The following RBBP5 variants were observed in gnomAD, a reference collection of about 807,000 sequenced individuals.
RBBP5 encodes RB binding protein 5, histone lysine methyltransferase complex subunit, also known as retinoblastoma-binding protein 5.
Under a neutral mutation model 72.2 loss-of-function variants are expected in RBBP5, and 5 were observed. The ratio of observed to expected loss-of-function variants is 0.07; its 90% CI spans 0.04 to 0.15. The LOEUF is 0.15. RBBP5 is among the 10% of genes least tolerant of loss of function. RBBP5 has a pLI of 1.00. For missense variants in RBBP5, 322 were observed against 652.2 expected (o/e 0.49, Z 5.51); for synonymous variants, 209 against 237.2 (o/e 0.88, Z 1.09).
chr1:205,096,695 T>A lies in RBBP5; in HGVS notation c.1383A>T (p.Gly461=), dbSNP rs1391726931. The change falls in exon 12 of 14, where the codon GGA becomes GGT. Residue 461 remains glycine, a synonymous_variant. Coordinates refer to ENST00000264515, the MANE Select transcript of RBBP5 (RefSeq NM_005057.4). The part of the protein sequence containing the change: ...KPKTTNIELQ[G]VPNDEVHPLL... ...TGTAGCTCTTACCATCATTTGGTAC[T>A]CCTTGAAGTTCTATATTGGTTGTTT... 3.1e-6 allele frequency: 5 copies of A among 1,613,846 alleles called. No individual in the cohort carries two copies. In the Admixed American group the frequency reaches 8.3e-5, roughly 27 times the overall value.
intron 1 of RBBP5, among the ~76,000 whole-genome samples, chr1:205,121,554 A>C (rs780607779): frequency 2.6e-5 from 4 of 152,138 alleles, no homozygotes; most frequent in Non-Finnish European, 5.9e-5. Flanking sequence ...CATCTCCAAC[A>C]ACTCTGGTCC....
At chr1:205,117,504 T>C (rs1656572787) in intron 1 of RBBP5, among the ~76,000 whole-genome samples, 1 of 150,832 alleles carries the variant, frequency 6.6e-6, no homozygotes, top group African/African-American at 2.4e-5. Context: ...CTACTAAAAA[T>C]ACAAAATTAG....
chr1:205,111,064 G>GA (rs1302987775), intron 3 of RBBP5, among the ~76,000 whole-genome samples: 1 of 151,792 alleles, frequency 6.6e-6, no homozygotes, highest in African/African-American at 2.4e-5. Flanking sequence ...ACTCTGTCTC[G>GA]AAAAAATTTA....
At chr1:205,101,529 G>A (rs749943434) in intron 6 of RBBP5, 71 bp downstream of exon 6, 17 of 1,117,468 alleles carry the variant, frequency 1.5e-5, no homozygotes, top group Non-Finnish European at 2.2e-5. Flanking sequence ...CATGAAAACT[G>A]CAAATCTCCA....
chr1:205,107,346 C>A (rs114664883), intron 3 of RBBP5, among the ~76,000 whole-genome samples: 217 of 151,720 alleles, frequency 1.4e-3, no homozygotes, highest in African/African-American at 5.1e-3. Context: ...AAACTAAAGA[C>A]AATGAAAAAA....
At position 205,104,006 on chromosome 1, in the gene RBBP5, C is replaced by A; in HGVS notation, c.373G>T (p.Val125Leu). 6.2e-7 allele frequency: 1 copy of A among 1,613,618 alleles called. No homozygotes were observed. Among genetic ancestry groups the A allele is most frequent in the African/African-American group, 1.3e-5 (1 of 75,052 alleles). Residue 125 changes from valine (V) to leucine (L), a missense_variant, in exon 5 of 14, where the codon GTG becomes TTG. By Grantham distance (32) the Val-to-Leu change is conservative. This residue lies in a region of RBBP5 where 161 missense variants were observed against 327.8 expected (regional missense o/e 0.49). Coordinates refer to ENST00000264515, the MANE Select transcript of RBBP5 (RefSeq NM_005057.4). ...ACAGGAGCAGATTTCATGGGACACA[C>A]GAGAACCTTGTTCCTGTTTAAAAAT... Reference protein sequence around the residue: ...YHPRDQNKVLVCPMKSAPVML... With the variant: ...YHPRDQNKVLLCPMKSAPVML...
chr1:205,096,235 G>A (rs943793575), intron 12 of RBBP5, among the ~76,000 whole-genome samples: 1 of 151,920 alleles, frequency 6.6e-6, no homozygotes, highest in Non-Finnish European at 1.5e-5. Context: ...TAAAAGAGAA[G>A]AGGAAGAAGG....
intron 1 of RBBP5, among the ~76,000 whole-genome samples, chr1:205,116,842 G>A (rs1380854721): frequency 6.6e-6 from 1 of 152,048 alleles, no homozygotes; most frequent in Admixed American, 6.6e-5. Flanking sequence ...GCAAGGAAAG[G>A]CAAGAGTCAA....
intron 1 of RBBP5, among the ~76,000 whole-genome samples, chr1:205,121,148 G>A (rs1308547842): frequency 6.6e-6 from 1 of 152,166 alleles, no homozygotes; most frequent in Non-Finnish European, 1.5e-5. Context: ...AGAATACCAT[G>A]CTAAATGTCA....
intron 3 of RBBP5, 144 bp downstream of exon 3, chr1:205,114,645 G>T: frequency 1.3e-6 from 1 of 782,836 alleles, no homozygotes; most frequent in Non-Finnish European, 1.9e-6. Context: ...ATGGACTCAG[G>T]ATCTACATAA....
chr1:205,112,453 T>G (rs927332754), intron 3 of RBBP5, among the ~76,000 whole-genome samples: 5 of 152,214 alleles, frequency 3.3e-5, no homozygotes, highest in Admixed American at 1.3e-4. Context: ...ATAGTTCTTG[T>G]ATAGGACATA....
rs148490867 is a variant in RBBP5 at position 205,096,803 on chromosome 1, G to A, written c.1275C>T (p.Thr425=). 4.0e-5 allele frequency: 65 copies of A among 1,614,066 alleles called. No homozygotes were observed. In the African/African-American group the frequency reaches 7.3e-4, roughly 18 times the overall value. Reference sequence around the variant, plus strand: ...AACTAGCCCCTTCATCCATCAAGGAGGTTTGGACTGCATCCGGTGGGGGGC... The same window carrying A: ...AACTAGCCCCTTCATCCATCAAGGAAGTTTGGACTGCATCCGGTGGGGGGC... ...PYGPPPDAVQ[T]SLMDEGASSE... is the part of the protein sequence containing the mutation. Residue 425 remains threonine, a synonymous_variant, in exon 12 of 14, where the codon ACC becomes ACT. Coordinates refer to ENST00000264515, the MANE Select transcript of RBBP5 (RefSeq NM_005057.4).
At position 205,096,767 on chromosome 1, in the gene RBBP5, C is replaced by T. The variant is rs769003788; in HGVS notation, c.1311G>A (p.Lys437=). 9.3e-6 allele frequency: 15 copies of T among 1,614,050 alleles called. No homozygotes were observed. The Admixed American group carries it at 2.3e-4, about 25-fold the overall frequency. Residue 437 remains lysine (K), a synonymous_variant, in exon 12 of 14, where the codon AAG becomes AAA. Coordinates refer to ENST00000264515, the MANE Select transcript of RBBP5 (RefSeq NM_005057.4). ...LMDEGASSEK[K]RQSSADGSQP... The stretch of plus-strand genomic sequence containing the variant: ...GGGACCCATCTGCTGAGGACTGCCT[C>T]TTCTTCTCTGAACTAGCCCCTTCAT...
At chr1:205,089,706 C>T (rs953428666) in intron 13 of RBBP5, among the ~76,000 whole-genome samples, 1 of 152,192 alleles carries the variant, frequency 6.6e-6, no homozygotes, top group Admixed American at 6.5e-5. Flanking sequence ...GAGATACAAA[C>T]TTTCTACTGA....
chr1:205,095,629 G>C (rs1297744621), intron 12 of RBBP5, among the ~76,000 whole-genome samples: 4 of 152,300 alleles, frequency 2.6e-5, no homozygotes, highest in East Asian at 1.9e-4. Flanking sequence ...TGTGAGAGCA[G>C]AAAGAGAATG....
At chr1:205,100,623 TA>T (rs1434857705) in intron 6 of RBBP5, among the ~76,000 whole-genome samples, 2 of 152,214 alleles carry the variant, frequency 1.3e-5, no homozygotes, top group Admixed American at 6.5e-5. Context: ...AATGAGGTAA[TA>T]AACTAAATAT....
intron 6 of RBBP5, among the ~76,000 whole-genome samples, chr1:205,100,721 C>A (rs1037933881): frequency 4.6e-5 from 7 of 152,170 alleles, no homozygotes; most frequent in African/African-American, 1.7e-4. Flanking sequence ...CACTTTCTTG[C>A]AGACTTCACT....
At chr1:205,100,420 A>G in intron 6 of RBBP5, 149 bp from the exon 7 acceptor site, 1 of 1,019,916 alleles carries the variant, frequency 9.8e-7, no homozygotes, top group Non-Finnish European at 1.4e-6. Flanking sequence ...CCCAAACCAA[A>G]ATACAATTTT....
chr1:205,111,280 C>T (rs1179945430), intron 3 of RBBP5, among the ~76,000 whole-genome samples: 9 of 152,090 alleles, frequency 5.9e-5, no homozygotes, highest in Admixed American at 5.2e-4. Context: ...CCCATTCATC[C>T]GACAAGTATC....
Sources: allele counts gnomAD v4.1 joint callset (sites outside exome capture counted in the v4.1 genomes callset), GRCh38; gene constraint gnomAD v4.1.1; regional missense constraint gnomAD v4.1.1; transcripts MANE v1.5; gene names NCBI Gene and HGNC (gene_info 2026-07-23, HGNC 2026-07-21).